Variants in RARB observed in about 807,000 individuals in gnomAD.
RARB encodes HBV-activated protein.
Under a neutral mutation model 51.9 loss-of-function variants are expected in RARB, and 17 were observed. That is an observed-to-expected ratio of 0.33 (90% CI 0.22 to 0.49). RARB has a LOEUF of 0.49. RARB is among the 20% of genes least tolerant of loss of function. RARB has a pLI of 0.99. For synonymous variants in RARB, 215 were observed against 195.4 expected (o/e 1.10, Z -0.84); for missense variants, 369 against 550.8 (o/e 0.67, Z 3.30).
chr3:25,155,932 C>A (rs1003884853), intron 4 of RARB, among the ~76,000 whole-genome samples: 3 of 152,192 alleles, frequency 2.0e-5, no homozygotes, highest in Admixed American at 6.5e-5. Flanking sequence ...AAAACCCCCT[C>A]CATTGAATTT....
At chr3:25,377,091 C>T (rs1383064226) in intron 5 of RARB, among the ~76,000 whole-genome samples, 2 of 152,108 alleles carry the variant, frequency 1.3e-5, no homozygotes, top group Admixed American at 6.5e-5. Context: ...CTTGGTTTTG[C>T]TTTTTCTATC....
intron 2 of RARB, among the ~76,000 whole-genome samples, chr3:24,891,259 G>A (rs979687504): frequency 3.9e-5 from 6 of 152,156 alleles, no homozygotes; most frequent in Non-Finnish European, 8.8e-5. Flanking sequence ...ACTAGGCTAT[G>A]AGTCTTTCAT....
Position 25,064,781 on chromosome 3 carries a change from C to G in RARB, c.-328+4605C>G, listed in dbSNP as rs140871066. On this transcript the variant is annotated intron_variant, in intron 3 of 11. Transcript: ENST00000383772. ...GACTCAGAGCCCCACAATTTGAATT[C>G]CAGACTAATCCCATATGGGTCAGCT... Among the ~76,000 whole-genome samples, 1,047 of 152,264 alleles carry G rather than the reference C, an allele frequency of 6.9e-3. 8 individuals are homozygous for G. Among genetic ancestry groups the G allele is most frequent in the African/African-American group, 0.023 (975 of 41,534 alleles).
chr3:24,919,824 C>T (rs948840079), intron 2 of RARB, among the ~76,000 whole-genome samples: 1 of 152,182 alleles, frequency 6.6e-6, no homozygotes, highest in Admixed American at 6.5e-5. Flanking sequence ...CTAGCAGTTT[C>T]CTCTTTCTGC....
chr3:24,969,344 CATT>C (rs1432224084), intron 2 of RARB, among the ~76,000 whole-genome samples: 1 of 152,014 alleles, frequency 6.6e-6, no homozygotes, highest in Non-Finnish European at 1.5e-5. Context: ...CTGTGAGGGG[CATT>C]ATTATATAGC....
chr3:25,265,081 T>C (rs1703092930), intron 5 of RARB, among the ~76,000 whole-genome samples: 1 of 152,174 alleles, frequency 6.6e-6, no homozygotes, highest in African/African-American at 2.4e-5. Context: ...GCCTTGATCT[T>C]GGACTGCCCA....
At chr3:24,858,973 G>T (rs1336676408) in intron 2 of RARB, among the ~76,000 whole-genome samples, 1 of 146,656 alleles carries the variant, frequency 6.8e-6, no homozygotes, top group Admixed American at 7.0e-5. Flanking sequence ...GGAGGTGGAG[G>T]TTGCGGTGAG....
intron 5 of RARB, among the ~76,000 whole-genome samples, chr3:25,299,351 C>A (rs1703987408): frequency 6.6e-6 from 1 of 152,168 alleles, no homozygotes; most frequent in African/African-American, 2.4e-5. Flanking sequence ...GCATGCACCA[C>A]CATGCGTGGC....
intron 3 of RARB, among the ~76,000 whole-genome samples, chr3:25,529,860 A>G (rs1698818836): frequency 6.6e-6 from 1 of 152,200 alleles, no homozygotes; most frequent in Admixed American, 6.5e-5. Flanking sequence ...CCTTATGTAT[A>G]ACTTATATTC....
intron 5 of RARB, among the ~76,000 whole-genome samples, chr3:25,307,183 C>T (rs780896029): frequency 1.3e-5 from 2 of 152,044 alleles, no homozygotes; most frequent in African/African-American, 2.4e-5. Flanking sequence ...CAAGACCAGC[C>T]TGGACAACAT....
rs1032745135 is a variant in RARB, at chr3:25,306,983, T to C, written c.178+132408T>C. 4.9e-4 allele frequency among the ~76,000 whole-genome samples: 74 copies of C among 152,210 alleles called. 1 individual carries two copies. Among genetic ancestry groups the C allele is most frequent in the Admixed American group, 2.6e-4 (4 of 15,282 alleles). ...ATTAAGCTCCCCACGCTAAGAGAGA[T>C]ACATTCCTTCACATTCTACTAGTGC... On this transcript the variant is annotated intron_variant, in intron 5 of 11. Transcript: ENST00000383772.
At chr3:25,428,229 C>T (rs928554107), upstream of RARB, 23 of 1,230,348 alleles carry the variant, frequency 1.9e-5, no homozygotes, top group Admixed American at 4.2e-5. Flanking sequence ...AAAGTTCACT[C>T]GCATATATTA....
chr3:25,456,676 T>TAG (rs1300602454), intron 1 of RARB, among the ~76,000 whole-genome samples: 78 of 113,770 alleles, frequency 6.9e-4, no homozygotes, highest in East Asian at 1.8e-3. Context: ...TATATATATA[T>TAG]ATATATAGAG....
intron 5 of RARB, among the ~76,000 whole-genome samples, chr3:25,399,972 G>A (rs12490801): frequency 0.12 from 18,450 of 152,098 alleles, 1,556 homozygotes; most frequent in Admixed American, 0.27. Flanking sequence ...CTTGCAAAAC[G>A]GGGATAAGAA....
chr3:25,499,531 G>C (rs369435912), intron 2 of RARB, among the ~76,000 whole-genome samples: 3 of 152,244 alleles, frequency 2.0e-5, no homozygotes, highest in East Asian at 3.9e-4. Context: ...AGGAAGTTGG[G>C]GACCCTTTCT....
At chr3:25,578,505 A>G (rs1701034676) in intron 4 of RARB, among the ~76,000 whole-genome samples, 1 of 152,214 alleles carries the variant, frequency 6.6e-6, no homozygotes, top group Non-Finnish European at 1.5e-5. Context: ...ACTCTATTGT[A>G]AAATGATTTC....
chr3:25,526,472 G>T (rs986539719), intron 3 of RARB, among the ~76,000 whole-genome samples: 2 of 152,190 alleles, frequency 1.3e-5, no homozygotes, highest in African/African-American at 2.4e-5. Context: ...GAATGGAAGT[G>T]GGGTGGTTAG....
At chr3:25,323,057 G>A (rs1220532056) in intron 5 of RARB, among the ~76,000 whole-genome samples, 2 of 152,096 alleles carry the variant, frequency 1.3e-5, no homozygotes, top group Non-Finnish European at 2.9e-5. Flanking sequence ...ACATGTTTGG[G>A]GCCCTGGTCC....
intron 2 of RARB, among the ~76,000 whole-genome samples, chr3:24,974,419 G>C (rs1696466267): frequency 6.6e-6 from 1 of 152,006 alleles, no homozygotes; most frequent in Admixed American, 6.6e-5. Context: ...CCACCTGGAG[G>C]ATAAGAGTTT....
Sources: allele counts gnomAD v4.1 joint callset (sites outside exome capture counted in the v4.1 genomes callset), GRCh38; gene constraint gnomAD v4.1.1; transcripts MANE v1.5; gene names NCBI Gene and HGNC (gene_info 2026-07-23, HGNC 2026-07-21).